Variants in FAM184B observed in about 807,000 individuals in gnomAD.
The protein encoded by FAM184B is family with sequence similarity 184 member B.
In FAM184B, 111 loss-of-function variants were observed where a neutral mutation model predicts 135.9. The observed-to-expected ratio is 0.82, with a 90% CI of 0.70 to 0.96. The LOEUF (loss-of-function observed/expected upper bound fraction) is 0.96. Ranked by LOEUF, FAM184B falls within the 40% of genes least tolerant of loss-of-function variation. The probability of loss-of-function intolerance (pLI) is 0.00; values close to 1 mark genes in which losing one functional copy is unlikely to be tolerated. For synonymous variants in FAM184B, 552 were observed against 524.8 expected (o/e 1.05, Z -0.71); for missense variants, 1,375 against 1,323.9 (o/e 1.04, Z -0.60).
chr4:17,720,875 A>G (rs2108972153), intron 1 of FAM184B, among the ~76,000 whole-genome samples: 1 of 114,460 alleles, frequency 8.7e-6, no homozygotes, highest in Non-Finnish European at 1.8e-5. Context: ...ACAGAGAAAG[A>G]CTTCATCTAA....
chr4:17,750,749 G>C (rs761971731), intron 1 of FAM184B, among the ~76,000 whole-genome samples: 23 of 152,196 alleles, frequency 1.5e-4, no homozygotes, highest in African/African-American at 3.4e-4. Flanking sequence ...TTATTCTTTA[G>C]TATCTTGGAC....
intron 5 of FAM184B, among the ~76,000 whole-genome samples, chr4:17,701,679 T>C (rs1560180118): frequency 2.0e-5 from 3 of 152,228 alleles, no homozygotes; most frequent in Non-Finnish European, 2.9e-5. Flanking sequence ...ATGTGGACAG[T>C]GGGAAGCACA....
Position 17,658,358 on chromosome 4 carries a change from C to G in FAM184B, c.2029G>C (p.Glu677Gln), listed in dbSNP as rs1251296722. ...CACAGTCATTCCCTCACCTTGAGTTCCTGATGTCTGGCCTTCTCCAGCATG... is the reference window on the plus strand; with the variant it reads ...CACAGTCATTCCCTCACCTTGAGTTGCTGATGTCTGGCCTTCTCCAGCATG... The part of the protein sequence containing the change: ...LRMLEKARHQ[E>Q]LKATEERLKK... The change falls in exon 10 of 18, where the codon GAA (glutamate) becomes CAA (glutamine). Residue 677 changes from glutamate (E) to glutamine (Q), a missense_variant. By Grantham distance (29) the Glu-to-Gln change is conservative. Transcript: ENST00000265018. 1 of 1,551,476 alleles carries G rather than the reference C, an allele frequency of 6.4e-7. No homozygotes were observed. Among genetic ancestry groups the G allele is most frequent in the Non-Finnish European group, 8.7e-7 (1 of 1,146,954 alleles).
At chr4:17,678,639 A>G (rs1268055837) in intron 7 of FAM184B, among the ~76,000 whole-genome samples, 1 of 152,202 alleles carries the variant, frequency 6.6e-6, no homozygotes, top group Non-Finnish European at 1.5e-5. Flanking sequence ...ATTCCCATCA[A>G]AATATTGCCA....
rs145596227 is a variant in FAM184B at position 17,662,584 on chromosome 4, G to A, written c.1694+1978C>T. Among the ~76,000 whole-genome samples the A allele has an allele frequency of 1.3e-3, 193 of 152,104 alleles. 2 individuals carry two copies. The highest frequency in any genetic ancestry group is 4.3e-3 in the African/African-American group (177 of 41,514). On this transcript the variant is annotated intron_variant, in intron 8 of 17. Transcript: ENST00000265018. Reference sequence around the variant, plus strand: ...AACTCCTGTCCTCAGGTGATCCACCGGCCTCGGCCTCCCAAAGTGCTGGGA... The same window carrying A: ...AACTCCTGTCCTCAGGTGATCCACCAGCCTCGGCCTCCCAAAGTGCTGGGA...
intron 14 of FAM184B, among the ~76,000 whole-genome samples, chr4:17,638,354 A>ATTT (rs11397589): frequency 7.5e-4 from 111 of 147,840 alleles, no homozygotes; most frequent in African/African-American, 2.6e-3. Context: ...ATGCCCAGCA[A>ATTT]TTTTTTTTTT....
intron 1 of FAM184B, among the ~76,000 whole-genome samples, chr4:17,751,299 T>C (rs1718285833): frequency 2.2e-5 from 2 of 90,438 alleles, no homozygotes; most frequent in Non-Finnish European, 4.8e-5. Context: ...AGAGCAAGAC[T>C]CTGTCTCAAA....
chr4:17,778,545 A>G (rs1408717623), intron 1 of FAM184B, among the ~76,000 whole-genome samples: 1 of 152,256 alleles, frequency 6.6e-6, no homozygotes, highest in Non-Finnish European at 1.5e-5. Flanking sequence ...TTTTAACTAT[A>G]AAAACTATTT....
At chr4:17,758,428 GTAAC>G (rs1215043365) in intron 1 of FAM184B, among the ~76,000 whole-genome samples, 1 of 152,218 alleles carries the variant, frequency 6.6e-6, no homozygotes, top group Non-Finnish European at 1.5e-5. Flanking sequence ...AACCAGCCAA[GTAAC>G]TAACTGACTG....
chr4:17,721,698 C>T (rs1399596919), intron 1 of FAM184B, among the ~76,000 whole-genome samples: 1 of 152,130 alleles, frequency 6.6e-6, no homozygotes, highest in Non-Finnish European at 1.5e-5. Flanking sequence ...TCCATGTTAG[C>T]GAGTGCTGAC....
intron 2 of FAM184B, 44 bp from the exon 3 acceptor site, chr4:17,707,828 T>C: frequency 6.5e-7 from 1 of 1,549,488 alleles, no homozygotes; most frequent in Non-Finnish European, 8.7e-7. Context: ...TATAGCTCTG[T>C]ATAGAGACAT....
chr4:17,674,314 T>A (rs1460202854), intron 7 of FAM184B, among the ~76,000 whole-genome samples: 1 of 152,166 alleles, frequency 6.6e-6, no homozygotes, highest in Admixed American at 6.6e-5. Flanking sequence ...CCTATACACA[T>A]AAAAGTTATG....
intron 14 of FAM184B, 95 bp from the exon 15 acceptor site, chr4:17,636,740 TCAGCCCGGC>T: frequency 9.2e-7 from 1 of 1,085,304 alleles, no homozygotes; most frequent in East Asian, 2.8e-5. Flanking sequence ...CATCCTGTGT[TCAGCCCGGC>T]CAGGGAGGCC....
intron 10 of FAM184B, among the ~76,000 whole-genome samples, chr4:17,654,863 CTTTTTT>C (rs1184715122): frequency 2.0e-5 from 3 of 151,208 alleles, no homozygotes; most frequent in Non-Finnish European, 4.4e-5. Context: ...TTTTCTTTTT[CTTTTTT>C]TGAGACGAGG....
chr4:17,753,950 G>A (rs1412453262), intron 1 of FAM184B, among the ~76,000 whole-genome samples: 1 of 152,162 alleles, frequency 6.6e-6, no homozygotes, highest in Non-Finnish European at 1.5e-5. Flanking sequence ...TTTATGGTAA[G>A]TACAGTTTAC....
chr4:17,680,693 C>T (rs376573265), intron 7 of FAM184B, among the ~76,000 whole-genome samples: 10 of 152,088 alleles, frequency 6.6e-5, no homozygotes, highest in South Asian at 2.1e-4. Context: ...ATAGTGTGCA[C>T]GGAAAAATAA....
Position 17,687,112 on chromosome 4 carries a change from G to C in FAM184B, c.1596+1312C>G, listed in dbSNP as rs560793843. On this transcript the variant is annotated intron_variant, in intron 7 of 17. Coordinates refer to ENST00000265018, the MANE Select transcript of FAM184B (RefSeq NM_015688.2). ...GTTATCTCAGAGGAGTATGCCATGG[G>C]GGCTGTTGGCAGGACCGGGGCCTGA... Among the ~76,000 whole-genome samples the C allele has an allele frequency of 5.3e-5, 8 of 152,274 alleles. No individual in the cohort carries two copies. The South Asian group carries it at 1.7e-3, about 32-fold the overall frequency.
intron 5 of FAM184B, among the ~76,000 whole-genome samples, chr4:17,695,272 C>T (rs984896206): frequency 2.0e-5 from 3 of 152,028 alleles, no homozygotes; most frequent in Admixed American, 1.3e-4. Context: ...AAGCAATCCT[C>T]CTACCTCAGC....
chr4:17,742,514 G>A (rs1718067949), intron 1 of FAM184B, among the ~76,000 whole-genome samples: 1 of 152,048 alleles, frequency 6.6e-6, no homozygotes, highest in African/African-American at 2.4e-5. Flanking sequence ...ATTTTTCTGC[G>A]CAAATGTTGC....
Sources: allele counts gnomAD v4.1 joint callset (sites outside exome capture counted in the v4.1 genomes callset), GRCh38; gene constraint gnomAD v4.1.1; transcripts MANE v1.5; gene names NCBI Gene and HGNC (gene_info 2026-07-23, HGNC 2026-07-21).